ETFA: variants seen among roughly 807,000 people sequenced by gnomAD.
The protein encoded by ETFA is electron transfer flavoprotein subunit alpha.
A neutral mutation model predicts 46.2 loss-of-function variants in ETFA; 22 were observed. The observed-to-expected ratio is 0.48, with a 90% CI of 0.34 to 0.68. The LOEUF is 0.68. Ranked by LOEUF, ETFA falls within the 30% of genes least tolerant of loss-of-function variation. The probability of loss-of-function intolerance (pLI) is 0.01; values close to 1 mark genes in which losing one functional copy is unlikely to be tolerated. For missense variants in ETFA, 345 were observed against 401.1 expected (o/e 0.86, Z 1.19); for synonymous variants, 131 against 139.9 (o/e 0.94, Z 0.45).
At chr15:76,225,106 A>G (rs1166404284) in intron 11 of ETFA, among the ~76,000 whole-genome samples, 1 of 152,160 alleles carries the variant, frequency 6.6e-6, no homozygotes, top group Non-Finnish European at 1.5e-5. Flanking sequence ...TAAGCTGGAT[A>G]TGGGTGCCTA....
chr15:76,308,634 AAC>A (rs1430369507), intron 1 of ETFA, among the ~76,000 whole-genome samples: 1 of 152,224 alleles, frequency 6.6e-6, no homozygotes, highest in African/African-American at 2.4e-5. Flanking sequence ...GAACCTTTCT[AAC>A]AGAGTAAAGA....
chr15:76,311,428 C>T lies in ETFA; in HGVS notation c.-40G>A, dbSNP rs1057521597. 6.5e-7 allele frequency: 1 copy of T among 1,546,908 alleles called. No individual in the cohort carries two copies. The highest frequency in any genetic ancestry group is 2.0e-5 in the Admixed American group (1 of 51,146). ...CCGCAACCTCGGCCTTACAGCAGCC[C>T]CGTGCCCGGCCAACTGGCGCCGCCT... is the stretch of plus-strand genomic sequence containing the variant. On this transcript the variant is annotated 5_prime_UTR_variant, in exon 1 of 12. Transcript: ENST00000557943.
At chr15:76,237,885 G>C (rs2039142748) in intron 9 of ETFA, among the ~76,000 whole-genome samples, 1 of 151,990 alleles carries the variant, frequency 6.6e-6, no homozygotes, top group South Asian at 2.1e-4. Flanking sequence ...AATTTTCTTT[G>C]ACAGCTGTTA....
rs541634765 is a variant in ETFA, at chr15:76,250,435, T to C, written c.817-19037A>G. Among the ~76,000 whole-genome samples, 9 of 152,232 alleles carry C rather than the reference T, an allele frequency of 5.9e-5. No individual in the cohort carries two copies. The East Asian group carries it at 1.3e-3, about 23-fold the overall frequency. ...GTATGCCTCTAAATCATTCATCATA[T>C]TCATATTGAAAAATCTCAGCTATAT... On this transcript the variant is annotated intron_variant, in intron 9 of 11. Coordinates refer to ENST00000557943, the MANE Select transcript of ETFA (RefSeq NM_000126.4).
At chr15:76,310,164 T>G (rs2039980528) in intron 1 of ETFA, 1 of 155,252 alleles carries the variant, frequency 6.4e-6, no homozygotes, top group Admixed American at 6.6e-5. Context: ...GAGAATCGCT[T>G]GAACCTGGGA....
At chr15:76,288,159 T>A (rs1213154744) in intron 4 of ETFA, among the ~76,000 whole-genome samples, 3 of 152,184 alleles carry the variant, frequency 2.0e-5, no homozygotes, top group Non-Finnish European at 4.4e-5. Context: ...ACATTAAGAG[T>A]TTCATGAGTT....
Position 76,289,685 on chromosome 15 carries a change from A to C in ETFA, c.352-1740T>G, listed in dbSNP as rs193100904. 7.2e-5 allele frequency among the ~76,000 whole-genome samples: 11 copies of C among 152,360 alleles called. No individual in the cohort carries two copies. The East Asian group carries it at 2.1e-3, about 29-fold the overall frequency. ...TGCATAAAAAATGACATATTTTAAA[A>C]TTCTAGCAGACAAGTATAAAAGTGT... On this transcript the variant is annotated intron_variant, in intron 4 of 11. Coordinates refer to ENST00000557943, the MANE Select transcript of ETFA (RefSeq NM_000126.4).
Position 76,260,202 on chromosome 15 carries a change from C to T in ETFA, c.816+14210G>A, listed in dbSNP as rs1296683975. 3.2e-6 allele frequency: 4 copies of T among 1,239,566 alleles called. No homozygotes were observed. In the South Asian group the frequency reaches 3.6e-5, roughly 11 times the overall value. 76.8% of individuals were successfully genotyped at this position (1,239,566 alleles called of 1,614,324 possible). A position where few individuals can be genotyped will look rare whatever the true frequency, so the allele number is the denominator to read the frequency against. ...ATCCTCCAGTTTTTCCTTTAGTTCG[C>T]TGTTGATGCCCAAGCTTTCCAATGT... On this transcript the variant is annotated intron_variant, in intron 9 of 11. Transcript: ENST00000557943.
intron 9 of ETFA, among the ~76,000 whole-genome samples, chr15:76,256,405 G>A (rs1346756105): frequency 6.6e-6 from 1 of 152,170 alleles, no homozygotes; most frequent in East Asian, 1.9e-4. Context: ...TGTCTCGAGG[G>A]AAAGCACTTG....
At chr15:76,225,437 T>G (rs535419232) in intron 11 of ETFA, among the ~76,000 whole-genome samples, 2 of 151,966 alleles carry the variant, frequency 1.3e-5, no homozygotes, top group Non-Finnish European at 2.9e-5. Context: ...TACAGGCGCC[T>G]GCCACCACGC....
intron 3 of ETFA, 28 bp downstream of exon 3, chr15:76,292,588 CACT>C (rs751995410): frequency 8.2e-6 from 13 of 1,588,940 alleles, no homozygotes; most frequent in East Asian, 4.5e-5. Context: ...GTAATTTAGA[CACT>C]ACATTTTTTT....
chr15:76,277,028 G>A (rs556533499), intron 8 of ETFA, among the ~76,000 whole-genome samples: 2 of 152,306 alleles, frequency 1.3e-5, no homozygotes, highest in South Asian at 4.1e-4. Flanking sequence ...CGGGTAAAAG[G>A]AAGTGCTGTC....
chr15:76,233,709 CA>C (rs2039093571), intron 9 of ETFA, among the ~76,000 whole-genome samples: 1 of 152,142 alleles, frequency 6.6e-6, no homozygotes, highest in Non-Finnish European at 1.5e-5. Context: ...AACTGTTAAT[CA>C]AAATATACTA....
At chr15:76,260,766 G>C in intron 9 of ETFA, 1 of 1,604,016 alleles carries the variant, frequency 6.2e-7, no homozygotes, top group South Asian at 1.1e-5. Flanking sequence ...GGTCTGAAAG[G>C]GCACCCAGTC....
chr15:76,310,360 C>A (rs2039982781), intron 1 of ETFA, among the ~76,000 whole-genome samples: 1 of 62,214 alleles, frequency 1.6e-5, no homozygotes, highest in South Asian at 7.2e-4. Flanking sequence ...GGGAAAATAT[C>A]CATGCCCAGA....
intron 9 of ETFA, among the ~76,000 whole-genome samples, chr15:76,250,560 T>C (rs1440173606): frequency 1.3e-5 from 2 of 152,204 alleles, no homozygotes; most frequent in Non-Finnish European, 2.9e-5. Flanking sequence ...TCCTTTTTTT[T>C]CTTGCTCTGT....
chr15:76,304,408 A>G (rs975356141), intron 1 of ETFA, among the ~76,000 whole-genome samples: 3 of 152,200 alleles, frequency 2.0e-5, no homozygotes, highest in African/African-American at 4.8e-5. Context: ...TTTACTCATA[A>G]TAAATCTGCA....
chr15:76,217,654 A>G (rs2038910931), intron 11 of ETFA: 2 of 453,194 alleles, frequency 4.4e-6, no homozygotes, highest in Non-Finnish European at 4.4e-6. Flanking sequence ...GACTGCTTGG[A>G]CAGAGGAGAG....
chr15:76,224,639 T>A (rs910240560), intron 11 of ETFA, among the ~76,000 whole-genome samples: 4 of 152,250 alleles, frequency 2.6e-5, no homozygotes, highest in Non-Finnish European at 4.4e-5. Flanking sequence ...GGGAACCACC[T>A]GTAGCTCTGT....
Sources: gnomAD v4.1 joint callset for allele counts (sites outside exome capture counted in the v4.1 genomes callset) on GRCh38, gnomAD v4.1.1 for gene constraint, MANE v1.5 for transcripts, NCBI Gene and HGNC (gene_info 2026-07-23, HGNC 2026-07-21) for gene names.